Variants in FAAH2 observed in about 807,000 individuals in gnomAD.
FAAH2 encodes fatty acid amide hydrolase 2.
In FAAH2, 60 loss-of-function variants were observed where a neutral mutation model predicts 36.9. The observed-to-expected ratio is 1.63, with a 90% CI of 1.32 to 2.02. FAAH2 has a LOEUF of 2.02. Among genes scored for constraint, FAAH2 ranks in the 30% most tolerant of loss-of-function variants. The pLI, the probability that FAAH2 is intolerant of heterozygous loss-of-function variation, is 0.00. For missense variants in FAAH2, 689 were observed against 397.5 expected, an observed-to-expected ratio of 1.73 and a Z score of -6.23; for synonymous variants, 214 against 143.8, an observed-to-expected ratio of 1.49 and a Z score of -3.49.
intron 3 of FAAH2, among the ~76,000 whole-genome samples, chrX:57,328,455 G>T (rs2053291138): frequency 9.0e-6 from 1 of 111,592 alleles, no homozygotes; most frequent in Non-Finnish European, 1.9e-5. Context: ...TTCAGCTCCT[G>T]TATGTTTTTA....
the FAAH2 span, among the ~76,000 whole-genome samples, chrX:57,263,583 G>A: frequency 9.0e-6 from 1 of 111,388 alleles, no homozygotes; most frequent in African/African-American, 3.2e-5. Context: ...TATAACAACA[G>A]GTGATAAAAA....
chrX:57,428,811 T>C (rs1244200929), intron 7 of FAAH2, among the ~76,000 whole-genome samples: 1 of 112,052 alleles, frequency 8.9e-6, no homozygotes, highest in African/African-American at 3.2e-5. Flanking sequence ...AAAACTATTC[T>C]GAACATCATT....
At chrX:57,278,918 C>G in the FAAH2 span, among the ~76,000 whole-genome samples, 3 of 111,793 alleles carry the variant, frequency 2.7e-5, no homozygotes, top group African/African-American at 9.8e-5. Context: ...CCATCTCACG[C>G]CAGATAGAAT....
chrX:57,417,387 C>A (rs1478537238), intron 7 of FAAH2, among the ~76,000 whole-genome samples: 2 of 111,730 alleles, frequency 1.8e-5, no homozygotes, highest in African/African-American at 6.5e-5. Context: ...GTCTTTGATG[C>A]TGGTGACCTT....
At chrX:57,464,079 A>T (rs936796685) in intron 10 of FAAH2, among the ~76,000 whole-genome samples, 1 of 112,355 alleles carries the variant, frequency 8.9e-6, no homozygotes, top group African/African-American at 3.2e-5. Context: ...AGCCATAAAA[A>T]TGAATTAGTT....
intron 2 of FAAH2, among the ~76,000 whole-genome samples, chrX:57,296,139 C>T (rs1224751579): frequency 2.7e-5 from 3 of 112,376 alleles, no homozygotes; most frequent in African/African-American, 6.5e-5. Flanking sequence ...GATCTGAGAA[C>T]AGGCAGACTG....
rs760860571 is a variant in FAAH2 at position 57,461,836 on chromosome X, T to TA, written c.1423+13126dup. On this transcript the variant is annotated intron_variant, in intron 10 of 10. Transcript: ENST00000374900. ...AGGAGATAAAGACTCAAAAAAACTT[T>TA]AAAAAAAATCAATGAATACAGGAGC... Among the ~76,000 whole-genome samples, 175 of 109,361 alleles carry TA rather than the reference T, an allele frequency of 1.6e-3. No homozygotes were observed. The South Asian group carries it at 0.039, about 25-fold the overall frequency. 95.0% of individuals were successfully genotyped at this position (109,361 alleles called of 115,157 possible). A position where few individuals can be genotyped will look rare whatever the true frequency, so the allele number is the denominator to read the frequency against.
chrX:57,468,195 C>T (rs1602764702), intron 10 of FAAH2, among the ~76,000 whole-genome samples: 1 of 111,533 alleles, frequency 9.0e-6, no homozygotes. Context: ...AGCACCTCTC[C>T]CCCTCCAAAG....
chrX:57,421,681 A>T (rs927253781), intron 7 of FAAH2, among the ~76,000 whole-genome samples: 3 of 111,885 alleles, frequency 2.7e-5, no homozygotes, highest in African/African-American at 9.7e-5. Flanking sequence ...ATTAAGGGTT[A>T]GGGTTGCGAC....
chrX:57,356,256 C>T (rs950952557), intron 5 of FAAH2, among the ~76,000 whole-genome samples: 4 of 110,212 alleles, frequency 3.6e-5, no homozygotes, highest in Non-Finnish European at 5.7e-5. Flanking sequence ...GGTTTGGTAT[C>T]AGGGTAACAC....
At chrX:57,467,842 A>AC (rs2057080135) in intron 10 of FAAH2, among the ~76,000 whole-genome samples, 1 of 110,893 alleles carries the variant, frequency 9.0e-6, no homozygotes, top group African/African-American at 3.3e-5. Context: ...ACTGAGAGAC[A>AC]CCCCCCAGTA....
At chrX:57,129,202 C>T in the FAAH2 span, among the ~76,000 whole-genome samples, 2 of 111,482 alleles carry the variant, frequency 1.8e-5, no homozygotes, top group Non-Finnish European at 1.9e-5. Context: ...ATTGTCCCCT[C>T]CCCACTAGAT....
At chrX:57,231,799 C>T in the FAAH2 span, among the ~76,000 whole-genome samples, 1 of 111,503 alleles carries the variant, frequency 9.0e-6, no homozygotes, top group Non-Finnish European at 1.9e-5. Context: ...ATCCCTCTGG[C>T]AAAACAGAAA....
chrX:57,208,711 T>C, the FAAH2 span, among the ~76,000 whole-genome samples: 1 of 111,818 alleles, frequency 8.9e-6, no homozygotes, highest in East Asian at 2.8e-4. Flanking sequence ...AGCAAGCCAG[T>C]GATAAGCATT....
Position 57,434,618 on chromosome X carries a change from C to A in FAAH2, c.1116+2581C>A, listed in dbSNP as rs764927002. Reference sequence around the variant, plus strand: ...TCAAACAAAAATAAAGACAAATGAACAAAGCCCTTAAGATGAGTGTGCAAA... The same window carrying A: ...TCAAACAAAAATAAAGACAAATGAAAAAAGCCCTTAAGATGAGTGTGCAAA... On this transcript the variant is annotated intron_variant, in intron 8 of 10. Transcript: ENST00000374900. 4.5e-5 allele frequency among the ~76,000 whole-genome samples: 5 copies of A among 109,982 alleles called. No individual in the cohort carries two copies. In the East Asian group the frequency reaches 1.4e-3, roughly 32 times the overall value.
At chrX:57,213,128 A>G in the FAAH2 span, among the ~76,000 whole-genome samples, 2 of 111,717 alleles carry the variant, frequency 1.8e-5, no homozygotes, top group East Asian at 2.8e-4. Flanking sequence ...ATACTGGTTC[A>G]TAAAAGTCTC....
Position 57,440,459 on chromosome X carries a change from G to A in FAAH2, c.1117-6469G>A, listed in dbSNP as rs774446903. 2.3e-4 allele frequency among the ~76,000 whole-genome samples: 26 copies of A among 111,829 alleles called. No individual in the cohort carries two copies. In the East Asian group the frequency reaches 5.9e-3, roughly 25 times the overall value. On this transcript the variant is annotated intron_variant, in intron 8 of 10. Transcript: ENST00000374900. ...TTTTTGCGCATTGATTTTGTATCCT[G>A]AGACTTTGCTGAAGTTGCTTATCAG...
intron 4 of FAAH2, among the ~76,000 whole-genome samples, chrX:57,339,870 C>A (rs766781230): frequency 8.9e-6 from 1 of 111,779 alleles, no homozygotes; most frequent in South Asian, 3.7e-4. Context: ...AGCAGAAATA[C>A]CATTTTACCC....
chrX:57,220,526 G>T, the FAAH2 span, among the ~76,000 whole-genome samples: 1 of 111,685 alleles, frequency 9.0e-6, no homozygotes, highest in Non-Finnish European at 1.9e-5. Context: ...CTTGACGACG[G>T]CCGTCAAACC....
Sources: gnomAD v4.1 joint callset for allele counts (sites outside exome capture counted in the v4.1 genomes callset) on GRCh38, gnomAD v4.1.1 for gene constraint, MANE v1.5 for transcripts, NCBI Gene and HGNC (gene_info 2026-07-23, HGNC 2026-07-21) for gene names.